Variants in THSD7A observed in about 807,000 individuals in gnomAD.
THSD7A encodes the protein thrombospondin type-1 domain-containing protein 7A.
In THSD7A, 96 loss-of-function variants were observed where a neutral mutation model predicts 231.3. The ratio of observed to expected loss-of-function variants is 0.41; its 90% confidence interval spans 0.35 to 0.49. THSD7A has a LOEUF of 0.49. THSD7A is among the 20% of genes least tolerant of loss of function. The pLI, the probability that THSD7A is intolerant of heterozygous loss-of-function variation, is 0.05. For synonymous variants in THSD7A, 940 were observed against 743.3 expected, an observed-to-expected ratio of 1.26 and a Z score of -4.30; for missense variants, 2,290 against 2,070.2, an observed-to-expected ratio of 1.11 and a Z score of -2.06.
At chr7:11,484,996 T>C (rs1265374961) in intron 6 of THSD7A, among the ~76,000 whole-genome samples, 1 of 148,030 alleles carries the variant, frequency 6.8e-6, no homozygotes, top group Non-Finnish European at 1.5e-5. Context: ...GGTCAAGCGA[T>C]TCTCCTGCCT....
At chr7:11,764,043 C>A (rs1316247389) in intron 1 of THSD7A, among the ~76,000 whole-genome samples, 6 of 152,036 alleles carry the variant, frequency 3.9e-5, no homozygotes, top group Non-Finnish European at 7.4e-5. Flanking sequence ...TTCTTCCAAT[C>A]AAAAATCAGA....
chr7:11,536,821 TCTCTTTTTCTATTC>T (rs1788934498), intron 6 of THSD7A, among the ~76,000 whole-genome samples: 1 of 150,812 alleles, frequency 6.6e-6, no homozygotes, highest in African/African-American at 2.5e-5. Context: ...TTCTATAACT[TCTCTTTTTCTATTC>T]CTGGCATGCT....
rs1232760428 is a variant in THSD7A at position 11,407,357 on chromosome 7, G to C, written c.3865C>G (p.Leu1289Val). ...TCTGACCAAGGAGACCAATCAGAAA[G>C]CTGACAGTTCACAGGGCATTCCACC... ...CMVECPVNCQ[L>V]SDWSPWSECS... is the part of the protein sequence containing the mutation. Residue 1289 changes from leucine to valine, a missense_variant, in exon 20 of 28, where the codon CTT becomes GTT. Transcript: ENST00000423059. The C allele has an allele frequency of 6.2e-6, 10 of 1,613,600 alleles. No homozygotes were observed. In the South Asian group the frequency reaches 1.1e-4, roughly 18 times the overall value.
At chr7:11,711,625 C>T (rs1361692804) in intron 1 of THSD7A, among the ~76,000 whole-genome samples, 1 of 151,018 alleles carries the variant, frequency 6.6e-6, no homozygotes, top group African/African-American at 2.4e-5. Context: ...ACACTTGGTA[C>T]AATTTAGGTA....
chr7:11,476,511 T>A (rs1376594220), intron 7 of THSD7A, among the ~76,000 whole-genome samples: 1 of 152,136 alleles, frequency 6.6e-6, no homozygotes, highest in East Asian at 1.9e-4. Flanking sequence ...GATTATATAA[T>A]GTTACTCAAG....
chr7:11,553,963 T>G (rs1325740273), intron 4 of THSD7A, among the ~76,000 whole-genome samples: 1 of 150,950 alleles, frequency 6.6e-6, no homozygotes, highest in Non-Finnish European at 1.5e-5. Context: ...ATAAATTATA[T>G]CTATAATTTT....
intron 16 of THSD7A, among the ~76,000 whole-genome samples, chr7:11,419,417 T>C (rs1374104235): frequency 1.3e-5 from 2 of 152,132 alleles, no homozygotes; most frequent in African/African-American, 4.8e-5. Flanking sequence ...CATGTGAAAA[T>C]GTGCTTGCTT....
chr7:11,631,537 T>A (rs966809076), intron 2 of THSD7A, among the ~76,000 whole-genome samples: 1 of 152,140 alleles, frequency 6.6e-6, no homozygotes, highest in African/African-American at 2.4e-5. Context: ...GAATAAATAT[T>A]CCCATGAGCT....
At chr7:11,803,999 CATAAG>C (rs1047037168) in intron 1 of THSD7A, among the ~76,000 whole-genome samples, 5 of 151,934 alleles carry the variant, frequency 3.3e-5, no homozygotes, top group African/African-American at 1.2e-4. Flanking sequence ...TTTGAATTAT[CATAAG>C]ATAATTAAAT....
intron 1 of THSD7A, among the ~76,000 whole-genome samples, chr7:11,723,532 G>A (rs1457207061): frequency 6.6e-6 from 1 of 151,744 alleles, no homozygotes; most frequent in African/African-American, 2.4e-5. Flanking sequence ...ATGTTAAATA[G>A]TAATAAGTAC....
chr7:11,730,747 A>G (rs146171628), intron 1 of THSD7A, among the ~76,000 whole-genome samples: 5 of 151,676 alleles, frequency 3.3e-5, no homozygotes, highest in African/African-American at 1.2e-4. Flanking sequence ...GGAGTCACCC[A>G]TTTTTGAGCA....
intron 6 of THSD7A, among the ~76,000 whole-genome samples, chr7:11,490,312 T>C (rs964958452): frequency 1.3e-5 from 2 of 152,130 alleles, no homozygotes; most frequent in African/African-American, 4.8e-5. Flanking sequence ...ATCATAACTT[T>C]GCATTTTCTT....
intron 1 of THSD7A, among the ~76,000 whole-genome samples, chr7:11,761,661 CA>C (rs1782865127): frequency 6.6e-6 from 1 of 152,124 alleles, no homozygotes; most frequent in Non-Finnish European, 1.5e-5. Flanking sequence ...AAGTGACTTG[CA>C]AATGTCAATT....
chr7:11,503,333 T>C (rs1445626581), intron 6 of THSD7A, among the ~76,000 whole-genome samples: 1 of 152,144 alleles, frequency 6.6e-6, no homozygotes, highest in Non-Finnish European at 1.5e-5. Flanking sequence ...AAGACTTAAA[T>C]GTAAAACCCA....
Position 11,375,644 on chromosome 7 carries a change from G to T in THSD7A, c.*150C>A, listed in dbSNP as rs550539615. The T allele has an allele frequency of 3.2e-6, 2 of 618,122 alleles. No individual in the cohort carries two copies. The highest frequency in any genetic ancestry group is 5.7e-6 in the Non-Finnish European group (2 of 351,590). The allele number at this position is 618,122 out of a possible 1,614,324, so 38.3% of individuals were successfully genotyped here. Reference sequence around the variant, plus strand: ...GGTACTGTCTTAAATATCTCCAGTGGCAGTATGATTTTCACTCTTGTCTTT... The same window carrying T: ...GGTACTGTCTTAAATATCTCCAGTGTCAGTATGATTTTCACTCTTGTCTTT... On this transcript the variant is annotated 3_prime_UTR_variant, in exon 28 of 28. Coordinates refer to ENST00000423059, the MANE Select transcript of THSD7A (RefSeq NM_015204.3).
intron 6 of THSD7A, among the ~76,000 whole-genome samples, chr7:11,490,323 A>G (rs931576455): frequency 2.0e-5 from 3 of 152,084 alleles, no homozygotes; most frequent in African/African-American, 7.2e-5. Context: ...GCATTTTCTT[A>G]TTTCATTGAA....
chr7:11,597,087 G>C (rs1780390215), intron 2 of THSD7A, among the ~76,000 whole-genome samples: 2 of 152,206 alleles, frequency 1.3e-5, no homozygotes, highest in African/African-American at 4.8e-5. Context: ...TAGATCCAGT[G>C]AGATCTAGTT....
At chr7:11,684,379 G>A (rs1779954708) in intron 1 of THSD7A, among the ~76,000 whole-genome samples, 1 of 146,356 alleles carries the variant, frequency 6.8e-6, no homozygotes, top group African/African-American at 2.5e-5. Context: ...AGAAATCCTA[G>A]CCAGAGCAAT....
At position 11,541,461 on chromosome 7, in the gene THSD7A, G is replaced by A; in HGVS notation, c.1780C>T (p.Pro594Ser). 6.2e-7 allele frequency: 1 copy of A among 1,613,880 alleles called. No homozygotes were observed. The highest frequency in any genetic ancestry group is 8.5e-7 in the Non-Finnish European group (1 of 1,179,858). The change falls in exon 6 of 28, where the codon CCA becomes TCA. Residue 594 changes from proline (P) to serine (S), a missense_variant. Pro to Ser is a moderately conservative substitution (Grantham distance 74). Coordinates refer to ENST00000423059, the MANE Select transcript of THSD7A (RefSeq NM_015204.3). The part of the protein sequence containing the change: ...CEPDNGKECG[P>S]GTQVQEVVCI... ...ACAACCTCTTGAACTTGCGTGCCTG[G>A]ACCACACTCCTTTCCGTTATCTGGC...
Sources: gnomAD v4.1 joint callset for allele counts (sites outside exome capture counted in the v4.1 genomes callset) on GRCh38, gnomAD v4.1.1 for gene constraint, MANE v1.5 for transcripts, NCBI Gene and HGNC (gene_info 2026-07-23, HGNC 2026-07-21) for gene names.